Variants in SKI observed in about 807,000 individuals in gnomAD.
SKI encodes SKI proto-oncogene.
Under a neutral mutation model 59.3 loss-of-function variants are expected in SKI, and 23 were observed. The ratio of observed to expected loss-of-function variants is 0.39; its 90% confidence interval spans 0.28 to 0.55. SKI has a LOEUF of 0.55. Ranked by LOEUF, SKI falls within the 20% of genes least tolerant of loss-of-function variation. SKI has a pLI of 0.67. For synonymous variants in SKI, 673 were observed against 488.6 expected (o/e 1.38, Z -4.98); for missense variants, 1,017 against 1,038.9 (o/e 0.98, Z 0.29).
intron 1 of SKI, among the ~76,000 whole-genome samples, chr1:2,249,100 T>C (rs1371164956): frequency 6.6e-6 from 1 of 152,172 alleles, no homozygotes; most frequent in Non-Finnish European, 1.5e-5. Context: ...AGTGCTGTTG[T>C]TTCTTGGTGC....
chr1:2,259,203 G>T (rs1325112656), intron 1 of SKI, among the ~76,000 whole-genome samples: 1 of 152,212 alleles, frequency 6.6e-6, no homozygotes, highest in Non-Finnish European at 1.5e-5. Context: ...GCCCTCGCCG[G>T]TGCTGTCTGT....
chr1:2,228,612 C>A lies in SKI; in HGVS notation c.-155C>A. On this transcript the variant is annotated 5_prime_UTR_variant, in exon 1 of 7. Coordinates refer to ENST00000378536, the MANE Select transcript of SKI (RefSeq NM_003036.4). ...CCGCCCGCCTTCCCCTTCGCGCCCCCGGGCGAGGCCGCGGCCGTGATCGGC... is the reference window on the plus strand; with the variant it reads ...CCGCCCGCCTTCCCCTTCGCGCCCCAGGGCGAGGCCGCGGCCGTGATCGGC... The A allele has an allele frequency of 5.2e-6, 1 of 192,394 alleles. No homozygotes were observed. Among genetic ancestry groups the A allele is most frequent in the Non-Finnish European group, 9.1e-6 (1 of 109,780 alleles). The allele number at this position is 192,394 out of a possible 1,614,324, so 11.9% of individuals were successfully genotyped here.
rs1349503355 is a variant in SKI at position 2,270,597 on chromosome 1, CCGT to C, written c.970-32380_970-32378del. ...CTGCCGGCTGAGGAGGCCGCACTCCCCGTGCCTCCCGGGCAGACACCTCACGGC... is the reference window on the plus strand; with the variant it reads ...CTGCCGGCTGAGGAGGCCGCACTCCCGCCTCCCGGGCAGACACCTCACGGC... On this transcript the variant is annotated intron_variant, in intron 1 of 6. Coordinates refer to ENST00000378536, the MANE Select transcript of SKI (RefSeq NM_003036.4). This position sits in a 1 kb window ranked among gnomAD's most constrained non-coding sequence, Gnocchi z 4.1. 1.4e-4 allele frequency among the ~76,000 whole-genome samples: 21 copies of C among 152,128 alleles called. No individual in the cohort carries two copies. The highest frequency in any genetic ancestry group is 2.6e-4 in the Non-Finnish European group (18 of 67,942).
chr1:2,299,162 C>T (rs887233512), intron 1 of SKI, among the ~76,000 whole-genome samples: 2 of 152,262 alleles, frequency 1.3e-5, no homozygotes, highest in African/African-American at 2.4e-5. Context: ...GGGGATGCGG[C>T]GTTGAGCCCC....
intron 1 of SKI, among the ~76,000 whole-genome samples, chr1:2,261,892 T>C (rs1429857127): frequency 6.9e-6 from 1 of 145,616 alleles, no homozygotes; most frequent in Non-Finnish European, 1.5e-5. Context: ...TCTCCTGGTC[T>C]GGAAGGCGTG....
chr1:2,305,570 A>G (rs1640550817), intron 5 of SKI, among the ~76,000 whole-genome samples: 1 of 151,970 alleles, frequency 6.6e-6, no homozygotes, highest in Non-Finnish European at 1.5e-5. Flanking sequence ...CGGATATTTT[A>G]ATGGGGAGAG....
Position 2,303,447 on chromosome 1 carries a change from C to T in SKI, c.1211+47C>T. 1.3e-6 allele frequency: 2 copies of T among 1,531,514 alleles called. No homozygotes were observed. Among genetic ancestry groups the T allele is most frequent in the Non-Finnish European group, 9.0e-7 (1 of 1,110,240 alleles). The allele number at this position is 1,531,514 out of a possible 1,614,324, so 94.9% of individuals were successfully genotyped here. A position where few individuals can be genotyped will look rare whatever the true frequency, so the allele number is the denominator to read the frequency against. On this transcript the variant is annotated intron_variant, in intron 3 of 6. Transcript: ENST00000378536. This position sits in a 1 kb window ranked among gnomAD's most constrained non-coding sequence, Gnocchi z 5.6. The stretch of plus-strand genomic sequence containing the variant: ...GTGTTTCTGATCACGGGGGAGGCTC[C>T]ACGAGGGCTGTGCATGCGGACGCGC...
At chr1:2,289,494 CGTG>C (rs1383921974) in intron 1 of SKI, among the ~76,000 whole-genome samples, 4 of 132,682 alleles carry the variant, frequency 3.0e-5, no homozygotes, top group African/African-American at 1.1e-4. Context: ...GAACCAAGAT[CGTG>C]GGGGTGGGGG....
chr1:2,290,398 C>T (rs924065484), intron 1 of SKI, among the ~76,000 whole-genome samples: 4 of 152,142 alleles, frequency 2.6e-5, no homozygotes, highest in East Asian at 1.9e-4. Context: ...GGGACACAGC[C>T]GCCACCCTGC....
At chr1:2,244,912 C>G (rs1638959115) in intron 1 of SKI, among the ~76,000 whole-genome samples, 1 of 152,180 alleles carries the variant, frequency 6.6e-6, no homozygotes, top group South Asian at 2.1e-4. Flanking sequence ...TCTTCAGAAA[C>G]TATTACTAGA....
In SKI at chr1:2,303,031, C is replaced by T; in HGVS notation, c.1023C>T (p.Ser341=). The change falls in exon 2 of 7, where the codon TCC becomes TCT. Residue 341 remains serine, a synonymous_variant. Transcript: ENST00000378536. This position sits in a 1 kb window ranked among gnomAD's most constrained non-coding sequence, Gnocchi z 5.6. ...SIRPKTDDTS[S]QSPAPSEKDK... is the part of the protein sequence containing the mutation. Reference sequence around the variant, plus strand: ...GACCCAAAACAGATGACACCTCTTCCCAGTCCCCCGCGCCTTCCGAAAAGG... The same window carrying T: ...GACCCAAAACAGATGACACCTCTTCTCAGTCCCCCGCGCCTTCCGAAAAGG... 6.2e-7 allele frequency: 1 copy of T among 1,613,764 alleles called. No individual in the cohort carries two copies.
chr1:2,306,325 C>G, intron 6 of SKI, 75 bp downstream of exon 6: 1 of 1,354,274 alleles, frequency 7.4e-7, no homozygotes, highest in Non-Finnish European at 9.9e-7. Flanking sequence ...GCCAGTCCTG[C>G]CCAGCCGGAA....
In SKI at chr1:2,308,014, G is replaced by A. The variant is rs1640642634; in HGVS notation, c.*1249G>A. ...ACTGAATCTGCCACTCTCAGAATAA[G>A]TTCCTTGCATTTATTCCAAATAATC... On this transcript the variant is annotated 3_prime_UTR_variant, in exon 7 of 7. Transcript: ENST00000378536. 1 of 152,414 alleles carries A rather than the reference G, an allele frequency of 6.6e-6. No individual in the cohort carries two copies. Among genetic ancestry groups the A allele is most frequent in the Admixed American group, 6.5e-5 (1 of 15,284 alleles). 9.4% of individuals were successfully genotyped at this position (152,414 alleles called of 1,614,324 possible). A position where few individuals can be genotyped will look rare whatever the true frequency, so the allele number is the denominator to read the frequency against.
chr1:2,273,022 C>T (rs946246109), intron 1 of SKI, among the ~76,000 whole-genome samples: 1 of 152,224 alleles, frequency 6.6e-6, no homozygotes, highest in Non-Finnish European at 1.5e-5. Context: ...AGGCTGTACC[C>T]CGCCTCCATG....
At chr1:2,273,493 G>C (rs1371645888) in intron 1 of SKI, among the ~76,000 whole-genome samples, 1 of 152,112 alleles carries the variant, frequency 6.6e-6, no homozygotes, top group Non-Finnish European at 1.5e-5. Flanking sequence ...TTCTGTCTGT[G>C]ATGGAAACGG....
chr1:2,291,558 AG>A (rs912734609), intron 1 of SKI, among the ~76,000 whole-genome samples: 2 of 152,202 alleles, frequency 1.3e-5, no homozygotes, highest in Non-Finnish European at 2.9e-5. Flanking sequence ...CTGCAGAGGG[AG>A]CCCTCCCCGG....
intron 1 of SKI, among the ~76,000 whole-genome samples, chr1:2,252,138 T>C (rs1034652678): frequency 6.6e-6 from 1 of 152,144 alleles, no homozygotes; most frequent in African/African-American, 2.4e-5. Context: ...CGAGGGCAGG[T>C]AGGGCGCTCT....
In SKI at chr1:2,303,941, C is replaced by A; in HGVS notation, c.1313C>A (p.Ala438Asp). 1.2e-6 allele frequency: 2 copies of A among 1,611,802 alleles called. No homozygotes were observed. Among genetic ancestry groups the A allele is most frequent in the Non-Finnish European group, 1.7e-6 (2 of 1,179,598 alleles). Residue 438 changes from alanine (A) to aspartate (D), a missense_variant, in exon 4 of 7, where the codon GCC becomes GAC. By Grantham distance (126) the Ala-to-Asp change is moderately radical. Coordinates refer to ENST00000378536, the MANE Select transcript of SKI (RefSeq NM_003036.4). This position sits in a 1 kb window ranked among gnomAD's most constrained non-coding sequence, Gnocchi z 5.6. The part of the protein sequence containing the change: ...KVVSSPPCAA[A>D]VSRAPEPLAT... ...GTGAGCAGCCCTCCGTGTGCCGCCG[C>A]CGTCTCCCGGGCCCCCGAGCCTCTC...
In SKI at chr1:2,303,835, T is replaced by C; in HGVS notation, c.1212-5T>C. The C allele has an allele frequency of 6.2e-7, 1 of 1,612,320 alleles. No individual in the cohort carries two copies. Among genetic ancestry groups the C allele is most frequent in the South Asian group, 1.1e-5 (1 of 91,040 alleles). On this transcript the variant is annotated splice_region_variant and splice_polypyrimidine_tract_variant and intron_variant, in intron 3 of 6. Coordinates refer to ENST00000378536, the MANE Select transcript of SKI (RefSeq NM_003036.4). This position sits in a 1 kb window ranked among gnomAD's most constrained non-coding sequence, Gnocchi z 5.6. ...CACCTTCCCGACACCCGCCTGCCCC[T>C]CCAGCTTCTACTCCTACAAGAGCTT...
Sources: gnomAD v4.1 joint callset for allele counts (sites outside exome capture counted in the v4.1 genomes callset) on GRCh38, gnomAD v4.1.1 for gene constraint, Gnocchi (gnomAD v3.1) non-coding constraint, MANE v1.5 for transcripts, NCBI Gene and HGNC (gene_info 2026-07-23, HGNC 2026-07-21) for gene names.